Variants in DPP6 observed in about 807,000 individuals in gnomAD.
DPP6 encodes the protein dipeptidyl peptidase like 6.
Under a neutral mutation model 122.6 loss-of-function variants are expected in DPP6, and 69 were observed. The ratio of observed to expected loss-of-function variants is 0.56; its 90% CI spans 0.46 to 0.69. The LOEUF is 0.69. DPP6 is among the 30% of genes least tolerant of loss of function. The probability of loss-of-function intolerance (pLI) is 0.00; values close to 1 mark genes in which losing one functional copy is unlikely to be tolerated. For synonymous variants in DPP6, 418 were observed against 433.1 expected (o/e 0.97, Z 0.43); for missense variants, 928 against 1,116.9 (o/e 0.83, Z 2.41).
At chr7:153,906,249 G>A (rs561253022) in intron 1 of DPP6, among the ~76,000 whole-genome samples, 47 of 152,156 alleles carry the variant, frequency 3.1e-4, no homozygotes, top group African/African-American at 8.0e-4. Flanking sequence ...TGTGTTACGC[G>A]GATATAGTGT....
chr7:154,238,186 T>C (rs1801343949), intron 1 of DPP6, among the ~76,000 whole-genome samples: 1 of 152,212 alleles, frequency 6.6e-6, no homozygotes, highest in African/African-American at 2.4e-5. Context: ...GGGGAACAGT[T>C]TGATATTTGG....
the DPP6 span, among the ~76,000 whole-genome samples, chr7:153,852,654 C>T: frequency 6.6e-6 from 1 of 152,138 alleles, no homozygotes; most frequent in East Asian, 1.9e-4. Flanking sequence ...GAAGGACATA[C>T]AGTACACATT....
In DPP6 at chr7:154,379,162, C is replaced by T. The variant is rs553072765; in HGVS notation, c.244-67052C>T. ...AACACATGTGTTGATAATTACAACT[C>T]GGTTCCAAGAGGTGCCTCCATAAAA... On this transcript the variant is annotated intron_variant, in intron 1 of 25. Coordinates refer to ENST00000377770, the MANE Select transcript of DPP6 (RefSeq NM_130797.4). Among the ~76,000 whole-genome samples the T allele has an allele frequency of 3.0e-3, 461 of 152,284 alleles. 1 individual carries two copies. The highest frequency in any genetic ancestry group is 4.9e-3 in the Non-Finnish European group (330 of 68,022).
intron 1 of DPP6, among the ~76,000 whole-genome samples, chr7:154,165,723 A>T (rs1272624561): frequency 1.3e-5 from 2 of 152,018 alleles, no homozygotes; most frequent in Non-Finnish European, 2.9e-5. Context: ...ATGGTATCTC[A>T]TTGTGGTTTT....
intron 1 of DPP6, among the ~76,000 whole-genome samples, chr7:154,267,367 A>AATTAT (rs58456571): frequency 0.92 from 135,125 of 147,192 alleles, 62,153 homozygotes; most frequent in East Asian, 1. Flanking sequence ...TACTGTAACA[A>AATTAT]ATTATATATA....
intron 5 of DPP6, among the ~76,000 whole-genome samples, chr7:154,636,360 A>G (rs1458627103): frequency 6.6e-6 from 1 of 152,184 alleles, no homozygotes; most frequent in Non-Finnish European, 1.5e-5. Context: ...CCTGCTCAGG[A>G]CACAGGAGCC....
rs140334219 is a variant in DPP6 at position 154,652,861 on chromosome 7, C to A, written c.680+14988C>A. On this transcript the variant is annotated intron_variant, in intron 6 of 25. Transcript: ENST00000377770. ...CTCCCTGAGTCGGAGCTGATACCAG[C>A]GAACGGCTTCAGAAAGTAAAAAACA... Among the ~76,000 whole-genome samples the A allele has an allele frequency of 1.4e-4, 21 of 152,140 alleles. No individual in the cohort carries two copies. The East Asian group carries it at 4.1e-3, about 29-fold the overall frequency.
At chr7:154,188,494 T>C (rs1798460474) in intron 1 of DPP6, among the ~76,000 whole-genome samples, 1 of 152,104 alleles carries the variant, frequency 6.6e-6, no homozygotes, top group Non-Finnish European at 1.5e-5. Flanking sequence ...ATAGTAACTG[T>C]GTAATGTGGG....
chr7:153,760,756 G>A, the DPP6 span, among the ~76,000 whole-genome samples: 1 of 152,098 alleles, frequency 6.6e-6, no homozygotes, highest in African/African-American at 2.4e-5. Flanking sequence ...ATCTGAGCAC[G>A]TACTATTTTC....
the DPP6 span, among the ~76,000 whole-genome samples, chr7:153,802,923 C>T: frequency 1.3e-5 from 2 of 152,248 alleles, no homozygotes; most frequent in South Asian, 2.1e-4. Flanking sequence ...ACTGCACAGC[C>T]TTGGAACTGG....
At chr7:154,479,707 C>T (rs757701506) in intron 3 of DPP6, among the ~76,000 whole-genome samples, 9 of 152,056 alleles carry the variant, frequency 5.9e-5, no homozygotes, top group Non-Finnish European at 1.2e-4. Context: ...TTATAACAAC[C>T]GCATTGCACT....
intron 1 of DPP6, among the ~76,000 whole-genome samples, chr7:154,023,318 G>GCACGCACACGCACGCACA: frequency 7.7e-6 from 1 of 129,618 alleles, no homozygotes; most frequent in African/African-American, 3.2e-5. Flanking sequence ...TTTCTTGTCT[G>GCACGCACACGCACGCACA]CACACACACA....
chr7:153,804,136 G>A, the DPP6 span, among the ~76,000 whole-genome samples: 53 of 150,734 alleles, frequency 3.5e-4, no homozygotes, highest in South Asian at 6.3e-3. Context: ...TGCAACCTCC[G>A]CCTCCCTATT....
chr7:154,181,503 G>A (rs979496395), intron 1 of DPP6, among the ~76,000 whole-genome samples: 1 of 152,142 alleles, frequency 6.6e-6, no homozygotes, highest in Admixed American at 6.5e-5. Flanking sequence ...CTTAAATAAA[G>A]ATCCTGAAAC....
At chr7:153,829,708 C>T in the DPP6 span, among the ~76,000 whole-genome samples, 1 of 152,226 alleles carries the variant, frequency 6.6e-6, no homozygotes, top group Admixed American at 6.5e-5. Context: ...TGCATACCAG[C>T]TTTGGGTGGA....
intron 1 of DPP6, among the ~76,000 whole-genome samples, chr7:154,395,713 T>C (rs1196492451): frequency 2.6e-5 from 4 of 152,156 alleles, no homozygotes; most frequent in African/African-American, 7.2e-5. Flanking sequence ...TTTACTTTTT[T>C]TTCTGATTTA....
chr7:154,213,274 A>G (rs757841780), intron 1 of DPP6, among the ~76,000 whole-genome samples: 2 of 152,238 alleles, frequency 1.3e-5, no homozygotes, highest in African/African-American at 4.8e-5. Flanking sequence ...TAGCAATTCA[A>G]TACTTTTATT....
chr7:154,182,734 C>T (rs1359091356), intron 1 of DPP6, among the ~76,000 whole-genome samples: 1 of 151,906 alleles, frequency 6.6e-6, no homozygotes, highest in East Asian at 1.9e-4. Flanking sequence ...ATATGTGAGC[C>T]AGTGCATTGC....
intron 3 of DPP6, among the ~76,000 whole-genome samples, chr7:154,533,156 G>C (rs1827976423): frequency 6.6e-6 from 1 of 152,174 alleles, no homozygotes; most frequent in Admixed American, 6.5e-5. Flanking sequence ...AGGTTTCCCT[G>C]TTTCTTTGGA....
Sources: allele counts gnomAD v4.1 joint callset (sites outside exome capture counted in the v4.1 genomes callset), GRCh38; gene constraint gnomAD v4.1.1; transcripts MANE v1.5; gene names NCBI Gene and HGNC (gene_info 2026-07-23, HGNC 2026-07-21).